PIGU: variants seen among roughly 807,000 people sequenced by gnomAD.
PIGU encodes phosphatidylinositol glycan anchor biosynthesis class U, also known as GPI-anchor transamidase component PIGU.
PIGU carries 24 observed loss-of-function variants against 49.9 expected under a neutral mutation model. The observed-to-expected ratio is 0.48, with a 90% CI of 0.35 to 0.68. The LOEUF is 0.68. Ranked by LOEUF, PIGU falls within the 30% of genes least tolerant of loss-of-function variation. The pLI is 0.01. For synonymous variants in PIGU, 220 were observed against 205.7 expected, an observed-to-expected ratio of 1.07 and a Z score of -0.59; for missense variants, 490 against 532.6, an observed-to-expected ratio of 0.92 and a Z score of 0.79.
chr20:34,565,127 A>AG (rs1982689574), intron 11 of PIGU, among the ~76,000 whole-genome samples: 1 of 152,202 alleles, frequency 6.6e-6, no homozygotes, highest in Non-Finnish European at 1.5e-5. Context: ...GAGTTGGGCA[A>AG]GGGGCTGTGG....
At chr20:34,585,393 C>T (rs767944624) in intron 9 of PIGU, 44 bp downstream of exon 9, 14 of 1,587,724 alleles carry the variant, frequency 8.8e-6, no homozygotes, top group East Asian at 2.2e-5. Flanking sequence ...AGGGGCTTCT[C>T]GGACAGCTCT....
chr20:34,632,461 C>T (rs775263776), intron 6 of PIGU, among the ~76,000 whole-genome samples: 1 of 151,800 alleles, frequency 6.6e-6, no homozygotes, highest in Non-Finnish European at 1.5e-5. Flanking sequence ...CTCTGCCTCC[C>T]AGGTTCAAGC....
In PIGU at chr20:34,644,009, T is replaced by C. The variant is rs140417832; in HGVS notation, c.318+155A>G. On this transcript the variant is annotated intron_variant, in intron 4 of 11. Transcript: ENST00000217446. ...TAAAGCTGTCTTGTGGGTTTGGGGT[T>C]GATCATTCCAGAGCTGGCTGAACAG... The C allele has an allele frequency of 2.8e-3, 1,673 of 593,592 alleles. 32 individuals carry two copies. The African/African-American group carries it at 0.029, about 10-fold the overall frequency. The allele number at this position is 593,592 out of a possible 1,614,324, so 36.8% of individuals were successfully genotyped here. A position where few individuals can be genotyped will look rare whatever the true frequency, so the allele number is the denominator to read the frequency against.
intron 1 of PIGU, among the ~76,000 whole-genome samples, chr20:34,661,251 T>A (rs1986918375): frequency 6.6e-6 from 1 of 152,126 alleles, no homozygotes; most frequent in South Asian, 2.1e-4. Flanking sequence ...CATGTCCAGG[T>A]TTGTTACATG....
chr20:34,629,079 C>T lies in PIGU; in HGVS notation c.529+5536G>A, dbSNP rs550473548. 8.9e-4 allele frequency among the ~76,000 whole-genome samples: 135 copies of T among 151,394 alleles called. 3 individuals are homozygous for T. The highest frequency in any genetic ancestry group is 8.7e-3 in the Admixed American group (132 of 15,172). ...TCGCCCAGGCTGGATTGCAGTGGCA[C>T]AGTCTCAGCTCACTGAAACCTCTGC... is the stretch of plus-strand genomic sequence containing the variant. On this transcript the variant is annotated intron_variant, in intron 6 of 11. Transcript: ENST00000217446.
At chr20:34,646,571 G>T (rs1055494253) in intron 2 of PIGU, among the ~76,000 whole-genome samples, 3 of 151,834 alleles carry the variant, frequency 2.0e-5, no homozygotes, top group Non-Finnish European at 4.4e-5. Flanking sequence ...ACCACGCCCA[G>T]CTAATTTTTG....
chr20:34,604,630 G>T (rs1984545919), intron 7 of PIGU, among the ~76,000 whole-genome samples: 1 of 152,126 alleles, frequency 6.6e-6, no homozygotes, highest in African/African-American at 2.4e-5. Flanking sequence ...AACAGAAAGT[G>T]ACTGGGGAAG....
At chr20:34,628,926 A>C (rs6059954) in intron 6 of PIGU, among the ~76,000 whole-genome samples, 1 of 151,436 alleles carries the variant, frequency 6.6e-6, no homozygotes, top group East Asian at 1.9e-4. Flanking sequence ...ATTTCCCCCC[A>C]CCATGTCCAG....
intron 2 of PIGU, among the ~76,000 whole-genome samples, chr20:34,646,502 G>A (rs538774198): frequency 6.6e-6 from 1 of 152,208 alleles, no homozygotes; most frequent in Admixed American, 6.5e-5. Context: ...TCCGCCTCCT[G>A]GGTTCAAGTG....
intron 1 of PIGU, among the ~76,000 whole-genome samples, chr20:34,659,711 A>T (rs975916861): frequency 1.3e-5 from 2 of 152,200 alleles, no homozygotes; most frequent in African/African-American, 2.4e-5. Context: ...GTACTAAGAA[A>T]AATTATTCTG....
chr20:34,650,854 C>T (rs976256261), intron 2 of PIGU, among the ~76,000 whole-genome samples: 40 of 151,530 alleles, frequency 2.6e-4, no homozygotes, highest in Middle Eastern at 6.8e-3. Context: ...GCTGGGACTA[C>T]AGGCATGCAC....
At chr20:34,629,764 C>G (rs1444560337) in intron 6 of PIGU, among the ~76,000 whole-genome samples, 1 of 152,150 alleles carries the variant, frequency 6.6e-6, no homozygotes. Context: ...CAAATGCTTA[C>G]AGAGGAACTT....
intron 7 of PIGU, among the ~76,000 whole-genome samples, chr20:34,605,786 G>A (rs1307230922): frequency 6.6e-6 from 1 of 152,076 alleles, no homozygotes; most frequent in African/African-American, 2.4e-5. Flanking sequence ...TATATGTCTA[G>A]ATTAAATATT....
intron 1 of PIGU, among the ~76,000 whole-genome samples, chr20:34,661,643 T>G (rs1180339407): frequency 6.6e-6 from 1 of 152,120 alleles, no homozygotes; most frequent in African/African-American, 2.4e-5. Context: ...TAATTCCATG[T>G]CTTTGCTATT....
intron 7 of PIGU, among the ~76,000 whole-genome samples, chr20:34,602,292 G>GAAATA (rs1984454108): frequency 1.3e-5 from 2 of 149,162 alleles, no homozygotes; most frequent in African/African-American, 2.5e-5. Flanking sequence ...AAAATGAAAT[G>GAAATA]AAATAAAATA....
chr20:34,561,536 A>G (rs1017342126), intron 11 of PIGU, among the ~76,000 whole-genome samples: 12 of 151,938 alleles, frequency 7.9e-5, no homozygotes, highest in African/African-American at 2.2e-4. Flanking sequence ...CTCCTAAACA[A>G]CAGCAAAGCT....
At chr20:34,636,368 C>T (rs1160301012) in intron 5 of PIGU, among the ~76,000 whole-genome samples, 1 of 151,968 alleles carries the variant, frequency 6.6e-6, no homozygotes, top group African/African-American at 2.4e-5. Context: ...CATGGTGAAA[C>T]CCCGTCTCTG....
intron 5 of PIGU, among the ~76,000 whole-genome samples, chr20:34,635,666 G>A (rs1985934160): frequency 6.6e-6 from 1 of 151,912 alleles, no homozygotes; most frequent in Non-Finnish European, 1.5e-5. Flanking sequence ...ACCTGAGGTT[G>A]GGAGTTTGAG....
At chr20:34,676,719 C>T (rs1055578856) in intron 1 of PIGU, among the ~76,000 whole-genome samples, 2 of 152,208 alleles carry the variant, frequency 1.3e-5, no homozygotes, top group Non-Finnish European at 2.9e-5. Flanking sequence ...ATCCCCACCA[C>T]TAGGTGGTCC....
Sources: allele counts gnomAD v4.1 joint callset (sites outside exome capture counted in the v4.1 genomes callset), GRCh38; gene constraint gnomAD v4.1.1; transcripts MANE v1.5; gene names NCBI Gene and HGNC (gene_info 2026-07-23, HGNC 2026-07-21).